Variants in MARCHF11 observed in about 807,000 individuals in gnomAD.
MARCHF11 encodes the protein E3 ubiquitin-protein ligase MARCHF11.
A neutral mutation model predicts 37.3 loss-of-function variants in MARCHF11; 29 were observed. The observed-to-expected ratio is 0.78, with a 90% confidence interval of 0.58 to 1.06. MARCHF11 has a LOEUF of 1.06. Among genes scored for constraint, MARCHF11 ranks in the 50% least tolerant of loss-of-function variants. The pLI is 0.00. For missense variants in MARCHF11, 482 were observed against 533.4 expected, an observed-to-expected ratio of 0.90 and a Z score of 0.95; for synonymous variants, 233 against 228.0, an observed-to-expected ratio of 1.02 and a Z score of -0.20.
chr5:16,168,081 G>C, intron 2 of MARCHF11, among the ~76,000 whole-genome samples: 1 of 152,034 alleles, frequency 6.6e-6, no homozygotes, highest in East Asian at 1.9e-4. Context: ...CTTCATACTG[G>C]AATTCTCCCC....
At chr5:16,152,000 G>C (rs1193851153) in intron 2 of MARCHF11, among the ~76,000 whole-genome samples, 1 of 151,920 alleles carries the variant, frequency 6.6e-6, no homozygotes, top group Non-Finnish European at 1.5e-5. Flanking sequence ...AGCACTTTCA[G>C]AACAATTTCA....
chr5:16,117,212 G>C (rs111227634), intron 2 of MARCHF11, among the ~76,000 whole-genome samples: 1,818 of 152,212 alleles, frequency 0.012, 24 homozygotes, highest in African/African-American at 0.021. Context: ...CTAAGCACCA[G>C]GATTGCTCTG....
At chr5:16,111,592 G>A (rs180997406) in intron 2 of MARCHF11, among the ~76,000 whole-genome samples, 97 of 152,280 alleles carry the variant, frequency 6.4e-4, no homozygotes, top group African/African-American at 2.3e-3. Context: ...GGGAAACAGA[G>A]CATAAAGGTT....
At chr5:16,151,618 G>A (rs894911633) in intron 2 of MARCHF11, among the ~76,000 whole-genome samples, 1 of 141,792 alleles carries the variant, frequency 7.1e-6, no homozygotes, top group Non-Finnish European at 1.5e-5. Context: ...TCAGGAGCAT[G>A]TCTGTGTGTG....
At chr5:16,127,468 C>A (rs1737430826) in intron 2 of MARCHF11, among the ~76,000 whole-genome samples, 1 of 152,190 alleles carries the variant, frequency 6.6e-6, no homozygotes, top group Non-Finnish European at 1.5e-5. Flanking sequence ...GAACTTTTTA[C>A]TGGATTAAGC....
Position 16,073,513 on chromosome 5 carries a change from T to C in MARCHF11, c.887-5720A>G, listed in dbSNP as rs1353323152. 2.0e-5 allele frequency among the ~76,000 whole-genome samples: 3 copies of C among 151,888 alleles called. No individual in the cohort carries two copies. The East Asian group carries it at 5.8e-4, about 29-fold the overall frequency. On this transcript the variant is annotated intron_variant, in intron 3 of 3. Transcript: ENST00000332432. ...TGGTTACTTCTGTAGGTACTGAATG[T>C]TTTTTGTTGGACTGAACTATATATG...
At chr5:16,126,540 T>C (rs1458721383) in intron 2 of MARCHF11, among the ~76,000 whole-genome samples, 2 of 152,250 alleles carry the variant, frequency 1.3e-5, no homozygotes, top group Non-Finnish European at 2.9e-5. Flanking sequence ...GCTACTTCTT[T>C]ATGCCCTGCA....
In MARCHF11 at chr5:16,166,130, G is replaced by C. The variant is rs542111054; in HGVS notation, c.693+11596C>G. On this transcript the variant is annotated intron_variant, in intron 2 of 3. Coordinates refer to ENST00000332432, the MANE Select transcript of MARCHF11 (RefSeq NM_001102562.3). ...AATATTTCCAGCTTTAGTCACTGGCGGTTCTTCCAGGTTGGCTCTTGTGTC... is the reference window on the plus strand; with the variant it reads ...AATATTTCCAGCTTTAGTCACTGGCCGTTCTTCCAGGTTGGCTCTTGTGTC... Among the ~76,000 whole-genome samples, 10 of 152,160 alleles carry C rather than the reference G, an allele frequency of 6.6e-5. No individual in the cohort carries two copies. In the East Asian group the frequency reaches 1.9e-3, roughly 30 times the overall value.
intron 2 of MARCHF11, among the ~76,000 whole-genome samples, chr5:16,109,751 T>A (rs1737106636): frequency 6.6e-6 from 1 of 152,162 alleles, no homozygotes; most frequent in South Asian, 2.1e-4. Context: ...GGGGGCAGTC[T>A]TGTTGGACTG....
chr5:16,162,786 C>T (rs141670669), intron 2 of MARCHF11, among the ~76,000 whole-genome samples: 2 of 151,912 alleles, frequency 1.3e-5, no homozygotes, highest in Non-Finnish European at 2.9e-5. Context: ...AATGAATACA[C>T]AGCAAATCCA....
chr5:16,130,251 TACACACACAC>T (rs56978661), intron 2 of MARCHF11, among the ~76,000 whole-genome samples: 12 of 144,296 alleles, frequency 8.3e-5, no homozygotes, highest in Non-Finnish European at 1.2e-4. Flanking sequence ...TCCAGGTACA[TACACACACAC>T]ACACACACAC....
chr5:16,125,537 C>T (rs1419416582), intron 2 of MARCHF11, among the ~76,000 whole-genome samples: 1 of 151,956 alleles, frequency 6.6e-6, no homozygotes, highest in Non-Finnish European at 1.5e-5. Context: ...CAGGAATGGA[C>T]TTGGAGCTTT....
chr5:16,092,392 G>A (rs113026928), intron 2 of MARCHF11, among the ~76,000 whole-genome samples: 8,042 of 152,116 alleles, frequency 0.053, 704 homozygotes, highest in African/African-American at 0.18. Context: ...TAACAGAACC[G>A]AACAACACTG....
intron 2 of MARCHF11, among the ~76,000 whole-genome samples, chr5:16,156,871 T>C (rs1227753176): frequency 6.6e-6 from 1 of 151,900 alleles, no homozygotes. Context: ...TGTATGTGTG[T>C]ATCTAAAATA....
intron 2 of MARCHF11, among the ~76,000 whole-genome samples, chr5:16,148,034 G>C (rs1490062274): frequency 1.3e-5 from 2 of 152,020 alleles, no homozygotes; most frequent in Non-Finnish European, 2.9e-5. Flanking sequence ...CATCATGGGG[G>C]AATTTCCATA....
rs182267030 is a variant in MARCHF11 at position 16,112,569 on chromosome 5, G to A, written c.694-21488C>T. ...TAACTAACTAGCTTTTGATTTTAAG[G>A]CTCATAGGTGAAATGGACTTGCCTT... On this transcript the variant is annotated intron_variant, in intron 2 of 3. Transcript: ENST00000332432. Among the ~76,000 whole-genome samples, 6 of 152,264 alleles carry A rather than the reference G, an allele frequency of 3.9e-5. No homozygotes were observed. In the East Asian group the frequency reaches 9.7e-4, roughly 25 times the overall value.
At chr5:16,087,407 C>T (rs997507038) in intron 3 of MARCHF11, among the ~76,000 whole-genome samples, 1 of 152,184 alleles carries the variant, frequency 6.6e-6, no homozygotes, top group Non-Finnish European at 1.5e-5. Context: ...AAATGCAACC[C>T]ATTTATAGAG....
intron 2 of MARCHF11, among the ~76,000 whole-genome samples, chr5:16,122,620 T>A (rs111790976): frequency 0.025 from 3,814 of 152,294 alleles, 176 homozygotes; most frequent in African/African-American, 0.088. Flanking sequence ...GGATCCCTTG[T>A]GCAATCCTGT....
chr5:16,143,664 T>C (rs1399010873), intron 2 of MARCHF11, among the ~76,000 whole-genome samples: 1 of 152,258 alleles, frequency 6.6e-6, no homozygotes, highest in African/African-American at 2.4e-5. Context: ...ACTCTGATTC[T>C]GTCTTTCTGC....
Sources: allele counts gnomAD v4.1 joint callset (sites outside exome capture counted in the v4.1 genomes callset), GRCh38; gene constraint gnomAD v4.1.1; transcripts MANE v1.5; gene names NCBI Gene and HGNC (gene_info 2026-07-23, HGNC 2026-07-21).